Variants in VPS13B observed in about 807,000 individuals in gnomAD.
VPS13B encodes the protein vacuolar protein sorting 13 homolog B.
VPS13B carries 285 observed loss-of-function variants against 426.4 expected under a neutral mutation model. The observed-to-expected ratio is 0.67, with a 90% CI of 0.61 to 0.74. VPS13B has a LOEUF of 0.74. VPS13B is among the 30% of genes least tolerant of loss of function. VPS13B has a pLI of 0.00. For missense variants in VPS13B, 4,537 were observed against 4,782.6 expected (o/e 0.95, Z 1.51); for synonymous variants, 1,676 against 1,676.4 (o/e 1.00, Z 0.01).
intron 17 of VPS13B, among the ~76,000 whole-genome samples, chr8:99,268,726 T>C (rs1818428029): frequency 6.6e-6 from 1 of 152,156 alleles, no homozygotes; most frequent in Non-Finnish European, 1.5e-5. Flanking sequence ...GAGTTAATGC[T>C]GAAATGAGTT....
intron 55 of VPS13B, among the ~76,000 whole-genome samples, chr8:99,849,407 GA>G (rs1436384756): frequency 6.6e-6 from 1 of 152,082 alleles, no homozygotes; most frequent in African/African-American, 2.4e-5. Context: ...TGGCCTTACA[GA>G]AACAAAAATA....
intron 3 of VPS13B, among the ~76,000 whole-genome samples, chr8:99,076,489 C>T (rs1344273645): frequency 1.3e-5 from 2 of 152,076 alleles, no homozygotes; most frequent in Non-Finnish European, 2.9e-5. Flanking sequence ...TTGGAGCTAT[C>T]TCTCCCTTTA....
At chr8:99,575,450 C>A (rs986514591) in intron 31 of VPS13B, among the ~76,000 whole-genome samples, 1 of 152,074 alleles carries the variant, frequency 6.6e-6, no homozygotes, top group Non-Finnish European at 1.5e-5. Context: ...CTTAATTACA[C>A]CTTAATTTCT....
At chr8:99,173,725 G>T (rs1812483433) in intron 16 of VPS13B, among the ~76,000 whole-genome samples, 1 of 152,052 alleles carries the variant, frequency 6.6e-6, no homozygotes, top group Non-Finnish European at 1.5e-5. Flanking sequence ...TGCTTTTATG[G>T]AATGTTTTGA....
At chr8:99,145,925 A>C (rs1324535911) in intron 13 of VPS13B, among the ~76,000 whole-genome samples, 2 of 152,206 alleles carry the variant, frequency 1.3e-5, no homozygotes, top group Non-Finnish European at 2.9e-5. Flanking sequence ...TCCAACGATG[A>C]CTGTGTGATC....
chr8:99,110,158 C>G (rs1259011825), intron 5 of VPS13B, among the ~76,000 whole-genome samples: 1 of 151,910 alleles, frequency 6.6e-6, no homozygotes, highest in African/African-American at 2.4e-5. Flanking sequence ...TTTTTAAAAA[C>G]TTATAAAATA....
In VPS13B at chr8:99,200,373, G is replaced by GT. The variant is rs548657461; in HGVS notation, c.2515+7325dup. Among the ~76,000 whole-genome samples the GT allele has an allele frequency of 3.9e-3, 593 of 151,016 alleles. 2 individuals carry two copies. Among genetic ancestry groups the GT allele is most frequent in the Non-Finnish European group, 6.7e-3 (457 of 67,722 alleles). ...TGTTGCTTTGAATATTCAAGTACAGGTTTTTTTTTGTGAATGTATGCTTTT... is the reference window on the plus strand; with the variant it reads ...TGTTGCTTTGAATATTCAAGTACAGGTTTTTTTTTTGTGAATGTATGCTTTT... On this transcript the variant is annotated intron_variant, in intron 17 of 61. Coordinates refer to ENST00000357162, the MANE Select transcript of VPS13B (RefSeq NM_152564.5).
At chr8:99,155,724 T>C (rs1349708067) in intron 14 of VPS13B, among the ~76,000 whole-genome samples, 3 of 152,218 alleles carry the variant, frequency 2.0e-5, no homozygotes, top group Non-Finnish European at 4.4e-5. Context: ...ATGTAGCATT[T>C]ACCATCTTTG....
rs377341504 is a variant in VPS13B at position 99,018,834 on chromosome 8, T to G, written c.147+4899T>G. Reference sequence around the variant, plus strand: ...GAATTTGATCAAATATTACACTTAATGAGTTGATATATGATTTTTCTCTTT... The same window carrying G: ...GAATTTGATCAAATATTACACTTAAGGAGTTGATATATGATTTTTCTCTTT... On this transcript the variant is annotated intron_variant, in intron 2 of 61. Coordinates refer to ENST00000357162, the MANE Select transcript of VPS13B (RefSeq NM_152564.5). Among the ~76,000 whole-genome samples the G allele has an allele frequency of 3.0e-4, 45 of 152,342 alleles. No individual in the cohort carries two copies. In the East Asian group the frequency reaches 7.9e-3, roughly 27 times the overall value.
At chr8:99,612,782 A>T (rs1054892881) in intron 33 of VPS13B, among the ~76,000 whole-genome samples, 1 of 152,220 alleles carries the variant, frequency 6.6e-6, no homozygotes, top group East Asian at 1.9e-4. Context: ...ACTCCATATT[A>T]TTCTGTGAGT....
At chr8:99,406,969 T>C (rs920621781) in intron 21 of VPS13B, among the ~76,000 whole-genome samples, 2 of 151,986 alleles carry the variant, frequency 1.3e-5, no homozygotes, top group African/African-American at 2.4e-5. Context: ...GAGTAAAGAG[T>C]CTTTAGTGGA....
At chr8:99,718,841 A>G (rs1441989504) in intron 37 of VPS13B, among the ~76,000 whole-genome samples, 1 of 151,630 alleles carries the variant, frequency 6.6e-6, no homozygotes, top group African/African-American at 2.4e-5. Context: ...TATTTTTTTT[A>G]AGAGACAGGT....
chr8:99,098,767 TA>T (rs1332640834), intron 4 of VPS13B, among the ~76,000 whole-genome samples: 2 of 152,106 alleles, frequency 1.3e-5, no homozygotes, highest in Admixed American at 6.5e-5. Context: ...TTTTTATTAT[TA>T]AAAAAATCTC....
At chr8:99,765,061 C>A (rs1027645798) in intron 39 of VPS13B, among the ~76,000 whole-genome samples, 1 of 152,068 alleles carries the variant, frequency 6.6e-6, no homozygotes, top group Non-Finnish European at 1.5e-5. Context: ...GCCTGGCCAA[C>A]ATGGCGAAAC....
intron 33 of VPS13B, chr8:99,577,865 C>T (rs1825850276): frequency 1.9e-6 from 1 of 534,468 alleles, no homozygotes; most frequent in Non-Finnish European, 3.3e-6. Context: ...GGACTGACCT[C>T]AGAGGAACCT....
At chr8:99,718,313 T>G (rs1004470130) in intron 37 of VPS13B, among the ~76,000 whole-genome samples, 1 of 152,140 alleles carries the variant, frequency 6.6e-6, no homozygotes, top group African/African-American at 2.4e-5. Context: ...TTTTAATTAT[T>G]AATACAAAGT....
intron 19 of VPS13B, among the ~76,000 whole-genome samples, chr8:99,317,010 T>G (rs1019624552): frequency 3.9e-5 from 6 of 152,234 alleles, no homozygotes; most frequent in African/African-American, 1.4e-4. Context: ...GGAATGCATG[T>G]CAGCTATAAG....
At chr8:99,602,094 A>G (rs1179820244) in intron 33 of VPS13B, among the ~76,000 whole-genome samples, 1 of 152,066 alleles carries the variant, frequency 6.6e-6, no homozygotes, top group Non-Finnish European at 1.5e-5. Context: ...CCTGAATGGT[A>G]TTGCCTAGGT....
chr8:99,817,448 C>T (rs1188424404), intron 44 of VPS13B, 92 bp from the exon 45 acceptor site: 1 of 1,477,364 alleles, frequency 6.8e-7, no homozygotes, highest in Non-Finnish European at 9.4e-7. Context: ...TTTCCATTAA[C>T]ATCAACATAG....
Sources: allele counts gnomAD v4.1 joint callset (sites outside exome capture counted in the v4.1 genomes callset), GRCh38; gene constraint gnomAD v4.1.1; transcripts MANE v1.5; gene names NCBI Gene and HGNC (gene_info 2026-07-23, HGNC 2026-07-21).